Variants in HROB observed in about 807,000 individuals in gnomAD.
The protein encoded by HROB is homologous recombination OB-fold protein.
HROB carries 44 observed loss-of-function variants against 61.0 expected under a neutral mutation model. That is an observed-to-expected ratio of 0.72 (90% confidence interval 0.57 to 0.93). The LOEUF is 0.93. Ranked by LOEUF, HROB falls within the 40% of genes least tolerant of loss-of-function variation. The pLI is 0.00. For missense variants in HROB, 716 were observed against 796.2 expected (o/e 0.90, Z 1.21); for synonymous variants, 301 against 310.4 (o/e 0.97, Z 0.32).
At chr17:44,152,231 C>T (rs538175398) in intron 4 of HROB, among the ~76,000 whole-genome samples, 1 of 151,802 alleles carries the variant, frequency 6.6e-6, no homozygotes, top group South Asian at 2.1e-4. Context: ...CCACCCGCCT[C>T]GGCCTTCCAA....
At chr17:44,146,545 T>A (rs940920774) in intron 2 of HROB, among the ~76,000 whole-genome samples, 1 of 152,178 alleles carries the variant, frequency 6.6e-6, no homozygotes. Flanking sequence ...ATCTGACAGC[T>A]GAAGTTTCTG....
chr17:44,144,126 C>T (rs1173831526), intron 1 of HROB, among the ~76,000 whole-genome samples: 2 of 150,480 alleles, frequency 1.3e-5, no homozygotes, highest in African/African-American at 4.9e-5. Flanking sequence ...CACAGGCATG[C>T]TCCACTAGGC....
rs753958778 is a variant in HROB, at chr17:44,154,954, C to G, written c.1644+16C>G. ...GCTGAAGCAGGTATGGGGAGCAGCT[C>G]TCCACACCACTGCCCCCCGGATAGA... On this transcript the variant is annotated intron_variant, in intron 7 of 9. Transcript: ENST00000585683. 2 of 1,610,356 alleles carry G rather than the reference C, an allele frequency of 1.2e-6. No homozygotes were observed. The highest frequency in any genetic ancestry group is 2.2e-5 in the South Asian group (2 of 90,440).
chr17:44,158,568 C>T (rs1282238689), intron 9 of HROB, among the ~76,000 whole-genome samples: 3 of 152,156 alleles, frequency 2.0e-5, no homozygotes, highest in Non-Finnish European at 2.9e-5. Flanking sequence ...ACTGCATCCT[C>T]GGCCTCTAGG....
rs758958895 is a variant in HROB, at chr17:44,154,528, C to T, written c.1450-28C>T. ...GAAGTCACAAGTGGGCCGTGGAAGG[C>T]TCAGCATATGCCTCTCCTTGTAAGC... On this transcript the variant is annotated intron_variant, in intron 5 of 9. Transcript: ENST00000585683. 3 of 1,612,276 alleles carry T rather than the reference C, an allele frequency of 1.9e-6. No individual in the cohort carries two copies. In the South Asian group the frequency reaches 3.3e-5, roughly 18 times the overall value.
chr17:44,156,629 G>T (rs1218043275), intron 8 of HROB, among the ~76,000 whole-genome samples: 1 of 151,502 alleles, frequency 6.6e-6, no homozygotes, highest in Admixed American at 6.6e-5. Context: ...TATTTCCTAG[G>T]ACTAACCATG....
intron 8 of HROB, among the ~76,000 whole-genome samples, chr17:44,157,622 C>T (rs1417364096): frequency 2.6e-5 from 4 of 151,928 alleles, no homozygotes; most frequent in Non-Finnish European, 5.9e-5. Context: ...ACCGTGTTGG[C>T]CAGGCTGGTC....
intron 2 of HROB, among the ~76,000 whole-genome samples, chr17:44,146,559 C>T (rs937518997): frequency 6.6e-6 from 1 of 152,126 alleles, no homozygotes. Flanking sequence ...GTTTCTGTTC[C>T]TTGAAAATGG....
chr17:44,152,825 C>T, intron 5 of HROB, 48 bp downstream of exon 5: 7 of 1,596,054 alleles, frequency 4.4e-6, no homozygotes, highest in Non-Finnish European at 6.0e-6. Flanking sequence ...ATTTTTCTCC[C>T]TCTCTCTGAC....
In HROB at chr17:44,157,377, G is replaced by GCC. The variant is rs1410751520; in HGVS notation, c.1771-455_1771-454dup. 8.4e-4 allele frequency among the ~76,000 whole-genome samples: 126 copies of GCC among 149,632 alleles called. 1 individual carries two copies. The highest frequency in any genetic ancestry group is 3.0e-3 in the African/African-American group (123 of 40,394). On this transcript the variant is annotated intron_variant, in intron 8 of 9. Coordinates refer to ENST00000585683, the MANE Select transcript of HROB (RefSeq NM_001171251.3). The stretch of plus-strand genomic sequence containing the variant: ...CCTTCAGCATGGGCCTGGGTGGCTG[G>GCC]CCTCTGCCATACTCTTCCATCATGT...
chr17:44,146,223 G>GT (rs907379400), intron 2 of HROB, among the ~76,000 whole-genome samples: 3 of 152,054 alleles, frequency 2.0e-5, no homozygotes, highest in Admixed American at 1.3e-4. Context: ...CTAATTTTTC[G>GT]TTTTTTTGTA....
rs758597492 is a variant in HROB at position 44,145,265 on chromosome 17, T to G, written c.54+12T>G. 6.2e-7 allele frequency: 1 copy of G among 1,613,534 alleles called. No homozygotes were observed. Among genetic ancestry groups the G allele is most frequent in the Non-Finnish European group, 8.5e-7 (1 of 1,179,578 alleles). ...AGTTTGAAGATGAGGTAGGGAAGTG[T>G]TGATGATCAGAGGTGGCAGACGAGG... On this transcript the variant is annotated intron_variant, in intron 2 of 9. Transcript: ENST00000585683.
intron 8 of HROB, among the ~76,000 whole-genome samples, chr17:44,156,611 C>T (rs879737547): frequency 1.3e-5 from 2 of 152,042 alleles, no homozygotes; most frequent in Non-Finnish European, 2.9e-5. Flanking sequence ...CCTACCCTTC[C>T]CCACTCCTAT....
chr17:44,152,289 A>C (rs1422614466), intron 4 of HROB, among the ~76,000 whole-genome samples: 1 of 152,076 alleles, frequency 6.6e-6, no homozygotes, highest in Admixed American at 6.6e-5. Context: ...CCAGGAGCTG[A>C]TTTTATTAAA....
intron 7 of HROB, 98 bp downstream of exon 7, chr17:44,155,036 C>T (rs997876927): frequency 1.3e-5 from 18 of 1,430,512 alleles, no homozygotes; most frequent in East Asian, 1.2e-4. Context: ...ACACCAGGCA[C>T]GGAGTGGCTG....
chr17:44,145,115 A>G, intron 1 of HROB, 88 bp from the exon 2 acceptor site: 1 of 1,348,568 alleles, frequency 7.4e-7, no homozygotes, highest in Non-Finnish European at 1.1e-6. Context: ...ACCTGATGGT[A>G]TTGTTAGTGC....
intron 4 of HROB, among the ~76,000 whole-genome samples, 197 bp from the exon 5 acceptor site, chr17:44,152,434 AAAAAAG>A (rs1042657419): frequency 6.6e-6 from 1 of 152,114 alleles, no homozygotes; most frequent in Non-Finnish European, 1.5e-5. Flanking sequence ...TCAGAAAAAA[AAAAAAG>A]AAAAAGAGAA....
At position 44,148,822 on chromosome 17, in the gene HROB, T is replaced by TAC. The variant is rs773850507; in HGVS notation, c.1021_1022dup (p.Gln341HisfsTer28). 43 of 1,614,058 alleles carry TAC rather than the reference T, an allele frequency of 2.7e-5. No homozygotes were observed. Among genetic ancestry groups the TAC allele is most frequent in the Non-Finnish European group, 3.5e-5 (41 of 1,180,034 alleles). On this transcript the variant is annotated frameshift_variant, in exon 3 of 10. Coordinates refer to ENST00000585683, the MANE Select transcript of HROB (RefSeq NM_001171251.3). LOFTEE classifies it high-confidence loss of function. ...TCTGGATTATTTCCTCGGATACCCT[T>TAC]ACAACCGCAAGCTCCAGTGTCTTCC...
chr17:44,157,736 C>T (rs1377961801), intron 8 of HROB, 97 bp from the exon 9 acceptor site: 4 of 854,924 alleles, frequency 4.7e-6, no homozygotes, highest in East Asian at 5.6e-5. Context: ...CTTTCCTGAG[C>T]CCCACACTGT....
Sources: gnomAD v4.1 joint callset for allele counts (sites outside exome capture counted in the v4.1 genomes callset) on GRCh38, gnomAD v4.1.1 for gene constraint, MANE v1.5 for transcripts, NCBI Gene and HGNC (gene_info 2026-07-23, HGNC 2026-07-21) for gene names.